The following GAREM1 variants were observed in gnomAD, a reference collection of about 807,000 sequenced individuals.
The protein encoded by GAREM1 is GRB2-associated and regulator of MAPK protein 1.
Under a neutral mutation model 71.3 loss-of-function variants are expected in GAREM1, and 26 were observed. The observed-to-expected ratio is 0.36, with a 90% CI of 0.27 to 0.51. GAREM1 has a LOEUF of 0.51. Ranked by LOEUF, GAREM1 falls within the 20% of genes least tolerant of loss-of-function variation. The probability of loss-of-function intolerance (pLI) is 0.95; values close to 1 mark genes in which losing one functional copy is unlikely to be tolerated. For missense variants in GAREM1, 1,026 were observed against 1,103.1 expected, an observed-to-expected ratio of 0.93 and a Z score of 0.99; for synonymous variants, 440 against 433.2, an observed-to-expected ratio of 1.02 and a Z score of -0.20.
At chr18:32,430,131 C>G (rs535746639) in intron 1 of GAREM1, among the ~76,000 whole-genome samples, 1 of 152,280 alleles carries the variant, frequency 6.6e-6, no homozygotes, top group African/African-American at 2.4e-5. Context: ...CACTGAAGTA[C>G]AACTCCGCAG....
At chr18:32,355,823 C>G (rs1567976841) in intron 2 of GAREM1, among the ~76,000 whole-genome samples, 1 of 152,024 alleles carries the variant, frequency 6.6e-6, no homozygotes, top group Non-Finnish European at 1.5e-5. Flanking sequence ...CTATTTAGGT[C>G]AATACAATCA....
chr18:32,397,596 G>C (rs1230178571), intron 1 of GAREM1, among the ~76,000 whole-genome samples: 1 of 152,184 alleles, frequency 6.6e-6, no homozygotes, highest in African/African-American at 2.4e-5. Context: ...TCAACAAGAA[G>C]AGCTAACTAT....
chr18:32,393,890 GA>G (rs2048226641), intron 1 of GAREM1, among the ~76,000 whole-genome samples: 1 of 152,112 alleles, frequency 6.6e-6, no homozygotes, highest in Admixed American at 6.5e-5. Context: ...GAAAATATCT[GA>G]AAAGGCTAAC....
chr18:32,396,781 A>G (rs531360415), intron 1 of GAREM1, among the ~76,000 whole-genome samples: 2 of 152,288 alleles, frequency 1.3e-5, no homozygotes, highest in South Asian at 4.1e-4. Context: ...GCCGGCCAAC[A>G]TTCAAATACA....
chr18:32,307,160 A>T (rs2047263992), intron 3 of GAREM1, among the ~76,000 whole-genome samples: 1 of 152,214 alleles, frequency 6.6e-6, no homozygotes, highest in Non-Finnish European at 1.5e-5. Context: ...TATTAAGATT[A>T]ATTTCAGTTT....
intron 1 of GAREM1, among the ~76,000 whole-genome samples, chr18:32,430,893 T>C (rs956001231): frequency 6.6e-6 from 1 of 152,230 alleles, no homozygotes; most frequent in African/African-American, 2.4e-5. Context: ...GAGGAAAAGC[T>C]AAAGCTTTGA....
At chr18:32,378,336 T>C (rs1204490291) in intron 2 of GAREM1, among the ~76,000 whole-genome samples, 2 of 151,542 alleles carry the variant, frequency 1.3e-5, no homozygotes, top group Non-Finnish European at 2.9e-5. Flanking sequence ...CCCATCTCCA[T>C]TAAAAATACA....
At chr18:32,272,011 T>TAAA (rs1289287936) in intron 4 of GAREM1, among the ~76,000 whole-genome samples, 1 of 152,224 alleles carries the variant, frequency 6.6e-6, no homozygotes, top group African/African-American at 2.4e-5. Flanking sequence ...TGTCTACTTT[T>TAAA]AGGCTATGTT....
chr18:32,398,386 T>C (rs1420698015), intron 1 of GAREM1, among the ~76,000 whole-genome samples: 1 of 152,194 alleles, frequency 6.6e-6, no homozygotes, highest in African/African-American at 2.4e-5. Context: ...GAGCTGGTTT[T>C]TTGGAAAGAT....
chr18:32,275,001 A>G (rs1286143614), intron 4 of GAREM1, among the ~76,000 whole-genome samples: 1 of 152,102 alleles, frequency 6.6e-6, no homozygotes, highest in Non-Finnish European at 1.5e-5. Context: ...ATACCATAGA[A>G]TATCTTTTAT....
intron 3 of GAREM1, among the ~76,000 whole-genome samples, chr18:32,301,686 G>C (rs1343321634): frequency 6.6e-6 from 1 of 152,298 alleles, no homozygotes; most frequent in East Asian, 1.9e-4. Context: ...GAGAACCTGA[G>C]TGGGCACTTT....
chr18:32,341,250 T>C (rs941757891), intron 2 of GAREM1, among the ~76,000 whole-genome samples: 3 of 152,184 alleles, frequency 2.0e-5, no homozygotes, highest in East Asian at 1.9e-4. Context: ...ATCCTTGCGA[T>C]AGTTTGCTGA....
chr18:32,286,683 A>AGAC (rs2047020992), intron 4 of GAREM1, among the ~76,000 whole-genome samples: 2 of 152,164 alleles, frequency 1.3e-5, no homozygotes, highest in Admixed American at 1.3e-4. Context: ...ACCAGCTGCC[A>AGAC]CGGTTTAGGG....
At chr18:32,451,431 C>T (rs1226926005) in intron 1 of GAREM1, among the ~76,000 whole-genome samples, 2 of 152,142 alleles carry the variant, frequency 1.3e-5, no homozygotes, top group Non-Finnish European at 2.9e-5. Context: ...GCCTACTCTG[C>T]CTCATACACT....
chr18:32,460,842 A>G (rs1026294630), intron 1 of GAREM1, among the ~76,000 whole-genome samples: 1 of 152,242 alleles, frequency 6.6e-6, no homozygotes, highest in Admixed American at 6.5e-5. Context: ...TATGAAGAGC[A>G]TGATAATACC....
At chr18:32,467,183 T>C (rs2049007952) in intron 1 of GAREM1, among the ~76,000 whole-genome samples, 1 of 152,172 alleles carries the variant, frequency 6.6e-6, no homozygotes, top group African/African-American at 2.4e-5. Flanking sequence ...TAACCTCTTC[T>C]TCCCCACTGC....
chr18:32,272,607 C>A, intron 4 of GAREM1, among the ~76,000 whole-genome samples: 1 of 151,758 alleles, frequency 6.6e-6, no homozygotes, highest in Non-Finnish European at 1.5e-5. Flanking sequence ...CCAGGAAAGA[C>A]CCTTGCACCA....
At chr18:32,398,992 C>G (rs1173444471) in intron 1 of GAREM1, among the ~76,000 whole-genome samples, 6 of 152,144 alleles carry the variant, frequency 3.9e-5, no homozygotes. Flanking sequence ...GGGCTTCATC[C>G]CTGGGATGCA....
chr18:32,279,122 G>A (rs1311397377), intron 4 of GAREM1, among the ~76,000 whole-genome samples: 2 of 152,166 alleles, frequency 1.3e-5, no homozygotes, highest in Non-Finnish European at 2.9e-5. Flanking sequence ...AGGAGTGTAC[G>A]TGATAAATAT....
Sources: gnomAD v4.1 joint callset for allele counts (sites outside exome capture counted in the v4.1 genomes callset) on GRCh38, gnomAD v4.1.1 for gene constraint, MANE v1.5 for transcripts, NCBI Gene and HGNC (gene_info 2026-07-23, HGNC 2026-07-21) for gene names.